The following PLA2G10 variants were observed in gnomAD, a reference collection of about 807,000 sequenced individuals.
PLA2G10 encodes the protein group 10 secretory phospholipase A2.
PLA2G10 carries 9 observed loss-of-function variants against 7.9 expected under a neutral mutation model. The observed-to-expected ratio is 1.14, with a 90% confidence interval of 0.68 to 1.98. The LOEUF is 1.98. Ranked by LOEUF, PLA2G10 falls within the 30% of genes most tolerant of loss-of-function variation. The pLI is 0.00. For synonymous variants in PLA2G10, 19 were observed against 27.5 expected (o/e 0.69, Z 0.97); for missense variants, 53 against 65.4 (o/e 0.81, Z 0.66).
chr16:14,684,026 C>T (rs962799030), intron 3 of PLA2G10, among the ~76,000 whole-genome samples: 4 of 152,074 alleles, frequency 2.6e-5, no homozygotes, highest in Non-Finnish European at 2.9e-5. Flanking sequence ...TTGCTTGAAG[C>T]CAAGATTTTG....
At chr16:14,672,831 G>A in intron 3 of PLA2G10, 82 bp from the exon 4 acceptor site, 1 of 1,339,596 alleles carries the variant, frequency 7.5e-7, no homozygotes, top group Non-Finnish European at 1.0e-6. Context: ...GGCAGGACGG[G>A]TCATAAATTA....
rs1961016109 is a variant in PLA2G10, at chr16:14,685,127, T to C, written c.355+3038A>G. Among the ~76,000 whole-genome samples the C allele has an allele frequency of 1.3e-5, 2 of 151,812 alleles. 1 individual carries two copies. Among genetic ancestry groups the C allele is most frequent in the South Asian group, 4.2e-4 (2 of 4,814 alleles). On this transcript the variant is annotated intron_variant, in intron 3 of 3. Coordinates refer to ENST00000438167, the MANE Select transcript of PLA2G10 (RefSeq NM_003561.3). ...TGGCTCACGCCTGTAATCACAGCAC[T>C]TTGGGAGGCTGAGGCAGGCAGATCA...
chr16:14,682,444 G>A (rs552302020), intron 3 of PLA2G10, among the ~76,000 whole-genome samples: 5 of 151,884 alleles, frequency 3.3e-5, no homozygotes, highest in African/African-American at 9.7e-5. Flanking sequence ...GCATGGTGGT[G>A]TGCACCTCTA....
At chr16:14,685,320 C>T (rs1008110106) in intron 3 of PLA2G10, among the ~76,000 whole-genome samples, 2 of 149,084 alleles carry the variant, frequency 1.3e-5, no homozygotes, top group East Asian at 2.0e-4. Context: ...TGCAGTAAGC[C>T]GAGATGGCAC....
chr16:14,686,822 AC>A (rs759135850), intron 3 of PLA2G10, among the ~76,000 whole-genome samples: 14 of 152,110 alleles, frequency 9.2e-5, no homozygotes, highest in Non-Finnish European at 1.9e-4. Context: ...AATAAATACC[AC>A]GGCCAGATGC....
At chr16:14,684,599 G>A (rs1388037175) in intron 3 of PLA2G10, among the ~76,000 whole-genome samples, 1 of 152,138 alleles carries the variant, frequency 6.6e-6, no homozygotes, top group Non-Finnish European at 1.5e-5. Context: ...CTGGGAGGCA[G>A]AGGTTGTAGT....
At chr16:14,684,031 AT>A (rs1245555156) in intron 3 of PLA2G10, among the ~76,000 whole-genome samples, 1 of 152,076 alleles carries the variant, frequency 6.6e-6, no homozygotes, top group African/African-American at 2.4e-5. Context: ...TGAAGCCAAG[AT>A]TTTGAGACCA....
intron 3 of PLA2G10, among the ~76,000 whole-genome samples, chr16:14,679,475 C>T (rs1385083769): frequency 6.6e-6 from 1 of 151,988 alleles, no homozygotes; most frequent in East Asian, 1.9e-4. Context: ...GCCTGGCCAA[C>T]ATAGAGAAAA....
intron 3 of PLA2G10, among the ~76,000 whole-genome samples, chr16:14,686,378 G>A (rs557306710): frequency 1.3e-5 from 2 of 152,128 alleles, no homozygotes; most frequent in African/African-American, 2.4e-5. Flanking sequence ...TCTCGCTGCC[G>A]AAACTCAAGC....
chr16:14,677,857 G>A (rs897052840), intron 3 of PLA2G10, among the ~76,000 whole-genome samples: 2 of 14,360 alleles, frequency 1.4e-4, no homozygotes, highest in Non-Finnish European at 2.4e-4. Context: ...ATGGATAGAT[G>A]GATGGATGGA....
At chr16:14,675,858 G>C (rs887590409) in intron 3 of PLA2G10, among the ~76,000 whole-genome samples, 1 of 146,604 alleles carries the variant, frequency 6.8e-6, no homozygotes, top group Admixed American at 7.0e-5. Flanking sequence ...AGAATCATTT[G>C]AACCCGGGAG....
At chr16:14,687,252 G>C (rs1305716701) in intron 3 of PLA2G10, among the ~76,000 whole-genome samples, 2 of 151,758 alleles carry the variant, frequency 1.3e-5, no homozygotes, top group South Asian at 2.1e-4. Flanking sequence ...AAATCTTGTA[G>C]GATTGCCTGA....
At chr16:14,685,981 T>A (rs1961046026) in intron 3 of PLA2G10, among the ~76,000 whole-genome samples, 1 of 148,678 alleles carries the variant, frequency 6.7e-6, no homozygotes. Context: ...CCTCTTTTTT[T>A]CTTTACTCTT....
intron 3 of PLA2G10, among the ~76,000 whole-genome samples, chr16:14,674,127 GA>G (rs952951461): frequency 3.8e-4 from 54 of 143,116 alleles, no homozygotes; most frequent in Middle Eastern, 3.6e-3. Context: ...ATAATAGCTG[GA>G]AAAAAAAAAA....
intron 3 of PLA2G10, among the ~76,000 whole-genome samples, chr16:14,681,783 G>A (rs1353863957): frequency 6.6e-6 from 1 of 151,626 alleles, no homozygotes; most frequent in African/African-American, 2.4e-5. Flanking sequence ...AGACAGTTCT[G>A]TAAACAGGCA....
chr16:14,680,651 C>A (rs904810770), intron 3 of PLA2G10, among the ~76,000 whole-genome samples: 1 of 152,112 alleles, frequency 6.6e-6, no homozygotes, highest in Non-Finnish European at 1.5e-5. Context: ...TGGGAGCCAT[C>A]GTACTCAGCC....
At chr16:14,685,593 A>G (rs1961033255) in intron 3 of PLA2G10, among the ~76,000 whole-genome samples, 1 of 152,132 alleles carries the variant, frequency 6.6e-6, no homozygotes, top group African/African-American at 2.4e-5. Flanking sequence ...CAGAGTGATG[A>G]AAAAGTTTAG....
intron 3 of PLA2G10, among the ~76,000 whole-genome samples, chr16:14,687,148 A>C (rs1365359371): frequency 2.0e-5 from 3 of 151,856 alleles, no homozygotes; most frequent in East Asian, 1.9e-4. Context: ...AACAAACAAA[A>C]AAACCCACAC....
At chr16:14,673,892 A>T (rs1960656998) in intron 3 of PLA2G10, among the ~76,000 whole-genome samples, 1 of 152,150 alleles carries the variant, frequency 6.6e-6, no homozygotes. Flanking sequence ...TAGCCAGAGC[A>T]GTCAGGAAAG....
Sources: gnomAD v4.1 joint callset for allele counts (sites outside exome capture counted in the v4.1 genomes callset) on GRCh38, gnomAD v4.1.1 for gene constraint, MANE v1.5 for transcripts, NCBI Gene and HGNC (gene_info 2026-07-23, HGNC 2026-07-21) for gene names.